The following KANSL1 variants were observed in gnomAD, a reference collection of about 807,000 sequenced individuals.
KANSL1 encodes KAT8 regulatory NSL complex subunit 1.
Under a neutral mutation model 103.6 loss-of-function variants are expected in KANSL1, and 22 were observed. The observed-to-expected ratio is 0.21, with a 90% CI of 0.15 to 0.30. The LOEUF (loss-of-function observed/expected upper bound fraction) is 0.30, where lower values mean the gene tolerates loss of function less well. Ranked by LOEUF, KANSL1 falls within the 10% of genes least tolerant of loss-of-function variation. The pLI is 1.00. For synonymous variants in KANSL1, 600 were observed against 527.6 expected, an observed-to-expected ratio of 1.14 and a Z score of -1.88; for missense variants, 1,337 against 1,399.8, an observed-to-expected ratio of 0.96 and a Z score of 0.72.
Position 46,192,815 on chromosome 17 carries a change from G to A in KANSL1, c.-90+8C>T, listed in dbSNP as rs72836333. 0.35 allele frequency: 55,203 copies of A among 156,074 alleles called. 10,161 individuals are homozygous for A. The highest frequency in any genetic ancestry group is 0.6 in the South Asian group (2,951 of 4,916). 9.7% of individuals were successfully genotyped at this position (156,074 alleles called of 1,614,324 possible). A position where few individuals can be genotyped will look rare whatever the true frequency, so the allele number is the denominator to read the frequency against. ...GAGGAGGAGGAGAGGAGCAGCAGCA[G>A]CACCTACCACGTGATGGAGGAGCGT... On this transcript the variant is annotated splice_region_variant and intron_variant, in intron 1 of 14. Transcript: ENST00000432791.
At chr17:46,072,901 A>G (rs1230551947) in intron 4 of KANSL1, among the ~76,000 whole-genome samples, 1 of 152,252 alleles carries the variant, frequency 6.6e-6, no homozygotes, top group Non-Finnish European at 1.5e-5. Flanking sequence ...CTTGAAAATA[A>G]CTATCTAGAA....
chr17:46,134,126 G>C (rs2044003779), intron 2 of KANSL1, among the ~76,000 whole-genome samples: 2 of 152,220 alleles, frequency 1.3e-5, no homozygotes, highest in South Asian at 4.1e-4. Context: ...GGCCTGGCGT[G>C]GTGGCTCACG....
chr17:46,140,697 A>T (rs552389679), intron 2 of KANSL1, among the ~76,000 whole-genome samples: 44 of 152,150 alleles, frequency 2.9e-4, no homozygotes, highest in African/African-American at 1.0e-3. Context: ...AACAATTTTT[A>T]AAAACCAAAT....
intron 7 of KANSL1, among the ~76,000 whole-genome samples, chr17:46,048,778 T>C (rs574077503): frequency 1.3e-5 from 2 of 152,344 alleles, no homozygotes; most frequent in South Asian, 4.1e-4. Flanking sequence ...AAAATCATAA[T>C]TTCAGATAGT....
chr17:46,187,087 C>G (rs1394729586), intron 1 of KANSL1, among the ~76,000 whole-genome samples: 1 of 152,018 alleles, frequency 6.6e-6, no homozygotes, highest in Non-Finnish European at 1.5e-5. Flanking sequence ...AAACTAGCTA[C>G]AGTACTTAGC....
Position 46,171,711 on chromosome 17 carries a change from C to T in KANSL1, c.433G>A (p.Gly145Ser). 6.4e-7 allele frequency: 1 copy of T among 1,561,288 alleles called. No homozygotes were observed. Among genetic ancestry groups the T allele is most frequent in the South Asian group, 1.2e-5 (1 of 82,356 alleles). ...GGTGCTTGTGGCAGAGCTGTCTGACCACTCGTATTCATGGTTCTAAGATTT... is the reference window on the plus strand; with the variant it reads ...GGTGCTTGTGGCAGAGCTGTCTGACTACTCGTATTCATGGTTCTAAGATTT... ...LENLRTMNTSGQTALPQAPVN... is the reference protein window; with the variant it reads ...LENLRTMNTSSQTALPQAPVN... The change falls in exon 2 of 15, where the codon GGT becomes AGT. Residue 145 changes from glycine (G) to serine (S), a missense_variant. Coordinates refer to ENST00000432791, the MANE Select transcript of KANSL1 (RefSeq NM_015443.4).
chr17:46,185,515 A>C (rs1034996661), intron 1 of KANSL1, among the ~76,000 whole-genome samples: 16 of 152,188 alleles, frequency 1.1e-4, no homozygotes, highest in Non-Finnish European at 2.9e-5. Flanking sequence ...CAGCAACTGC[A>C]CTTCTAGAAA....
At chr17:46,049,923 T>A (rs899294712) in intron 7 of KANSL1, 1 of 152,120 alleles carries the variant, frequency 6.6e-6, no homozygotes, top group Non-Finnish European at 1.5e-5. Flanking sequence ...ACAAAACTTT[T>A]TTTTTTTTTT....
chr17:46,076,800 C>T (rs576299666), intron 4 of KANSL1, among the ~76,000 whole-genome samples: 32 of 152,170 alleles, frequency 2.1e-4, no homozygotes, highest in African/African-American at 7.5e-4. Flanking sequence ...CTTGATACTA[C>T]CGCAAATGGA....
At chr17:46,088,758 C>T (rs1454738855) in intron 3 of KANSL1, 2 of 152,286 alleles carry the variant, frequency 1.3e-5, no homozygotes. Flanking sequence ...TGGGACTTGC[C>T]TATGGTCCCA....
chr17:46,129,469 T>G (rs1420743629), intron 2 of KANSL1, among the ~76,000 whole-genome samples: 1 of 152,182 alleles, frequency 6.6e-6, no homozygotes, highest in Non-Finnish European at 1.5e-5. Flanking sequence ...CAACAGTGCT[T>G]TGTCGTGAGT....
chr17:46,153,408 G>C (rs780091164), intron 2 of KANSL1, among the ~76,000 whole-genome samples: 47 of 152,214 alleles, frequency 3.1e-4, no homozygotes, highest in Non-Finnish European at 5.3e-4. Flanking sequence ...TCAAAAGCCT[G>C]TGGAAATAAA....
intron 2 of KANSL1, among the ~76,000 whole-genome samples, chr17:46,109,536 C>CAA (rs58575986): frequency 6.7e-6 from 1 of 150,362 alleles, no homozygotes; most frequent in East Asian, 1.9e-4. Context: ...ACACCCCCAC[C>CAA]AAAAAAAAAC....
intron 1 of KANSL1, among the ~76,000 whole-genome samples, chr17:46,218,562 C>A (rs2048412280): frequency 6.6e-6 from 1 of 152,134 alleles, no homozygotes; most frequent in African/African-American, 2.4e-5. Context: ...GCGGGTGGAT[C>A]ACTTGAGGCC....
chr17:46,204,963 T>C (rs1299166023), intron 1 of KANSL1, among the ~76,000 whole-genome samples: 1 of 152,090 alleles, frequency 6.6e-6, no homozygotes, highest in Non-Finnish European at 1.5e-5. Flanking sequence ...AAAATACCTA[T>C]GGGGGAAAAA....
At chr17:46,190,798 T>C (rs1411138055) in intron 1 of KANSL1, among the ~76,000 whole-genome samples, 1 of 152,256 alleles carries the variant, frequency 6.6e-6, no homozygotes, top group African/African-American at 2.4e-5. Context: ...ATAAACCTAG[T>C]GGAAATCCAA....
At chr17:46,041,568 T>C (rs2146387189) in intron 7 of KANSL1, 1 of 152,230 alleles carries the variant, frequency 6.6e-6, no homozygotes, top group South Asian at 2.1e-4. Flanking sequence ...ACACCACTAC[T>C]TCAAGGAAGA....
intron 1 of KANSL1, among the ~76,000 whole-genome samples, chr17:46,190,594 A>C (rs2047267883): frequency 6.6e-6 from 1 of 152,254 alleles, no homozygotes; most frequent in African/African-American, 2.4e-5. Context: ...AATCACAGAC[A>C]CTGGTATATA....
chr17:46,213,544 A>G (rs79861768), intron 1 of KANSL1, among the ~76,000 whole-genome samples: 21,853 of 148,740 alleles, frequency 0.15, 2,152 homozygotes, highest in Non-Finnish European at 0.22. Flanking sequence ...TCCTGACCTC[A>G]TGATGGGCCC....
Sources: allele counts gnomAD v4.1 joint callset (sites outside exome capture counted in the v4.1 genomes callset), GRCh38; gene constraint gnomAD v4.1.1; transcripts MANE v1.5; gene names NCBI Gene and HGNC (gene_info 2026-07-23, HGNC 2026-07-21).